The following STPG2 variants were observed in gnomAD, a reference collection of about 807,000 sequenced individuals.
STPG2 encodes the protein sperm tail PG-rich repeat containing 2.
STPG2 carries 56 observed loss-of-function variants against 54.2 expected under a neutral mutation model. That is an observed-to-expected ratio of 1.03 (90% CI 0.83 to 1.29). The LOEUF (loss-of-function observed/expected upper bound fraction) is 1.29. Among genes scored for constraint, STPG2 ranks in the 50% most tolerant of loss-of-function variants. The pLI, the probability that STPG2 is intolerant of heterozygous loss-of-function variation, is 0.00. For synonymous variants in STPG2, 200 were observed against 181.8 expected, an observed-to-expected ratio of 1.10 and a Z score of -0.81; for missense variants, 596 against 544.9, an observed-to-expected ratio of 1.09 and a Z score of -0.93.
At chr4:98,012,035 A>G (rs975088421) in intron 5 of STPG2, among the ~76,000 whole-genome samples, 1 of 152,222 alleles carries the variant, frequency 6.6e-6, no homozygotes, top group Non-Finnish European at 1.5e-5. Flanking sequence ...GTCCATGCCA[A>G]GGTCCTGAAT....
intron 3 of STPG2, among the ~76,000 whole-genome samples, chr4:98,112,517 T>A (rs1031334910): frequency 1.2e-4 from 18 of 152,178 alleles, no homozygotes; most frequent in African/African-American, 3.6e-4. Context: ...AAGCATTGGT[T>A]CTGTTTCTCT....
chr4:98,062,412 T>C (rs951979116), intron 5 of STPG2, among the ~76,000 whole-genome samples: 1 of 152,104 alleles, frequency 6.6e-6, no homozygotes, highest in African/African-American at 2.4e-5. Context: ...TGTTTACCGA[T>C]GTAACAAACT....
chr4:98,037,806 T>A (rs934809393), intron 5 of STPG2, among the ~76,000 whole-genome samples: 8 of 152,000 alleles, frequency 5.3e-5, no homozygotes, highest in African/African-American at 1.7e-4. Context: ...CAACAATAAT[T>A]CATAAGAAAA....
intron 5 of STPG2, among the ~76,000 whole-genome samples, chr4:98,027,866 A>ATAG (rs1736475433): frequency 6.6e-6 from 1 of 152,150 alleles, no homozygotes; most frequent in South Asian, 2.1e-4. Context: ...CAGAGTCTCA[A>ATAG]TAGTCTTCCT....
At chr4:97,908,726 G>A (rs1405344761) in intron 8 of STPG2, among the ~76,000 whole-genome samples, 1 of 151,546 alleles carries the variant, frequency 6.6e-6, no homozygotes, top group Non-Finnish European at 1.5e-5. Flanking sequence ...GGACATGGAT[G>A]AAATTGGAAA....
At chr4:97,738,160 C>A (rs1354463098) in intron 9 of STPG2, among the ~76,000 whole-genome samples, 1 of 152,094 alleles carries the variant, frequency 6.6e-6, no homozygotes, top group Non-Finnish European at 1.5e-5. Context: ...CAAGGAAATG[C>A]TGAGAGATTT....
intron 10 of STPG2, among the ~76,000 whole-genome samples, chr4:97,600,710 C>T (rs1733435575): frequency 6.6e-6 from 1 of 152,086 alleles, no homozygotes. Flanking sequence ...AGCTATAGCA[C>T]AGGCTATGCA....
intron 7 of STPG2, among the ~76,000 whole-genome samples, chr4:97,949,150 T>C (rs1425987964): frequency 1.3e-5 from 2 of 152,166 alleles, no homozygotes; most frequent in Non-Finnish European, 2.9e-5. Context: ...TTGATCCTTT[T>C]ATCATCATAT....
intron 4 of STPG2, among the ~76,000 whole-genome samples, chr4:97,515,851 C>T (rs1731065332): frequency 6.6e-6 from 1 of 151,704 alleles, no homozygotes; most frequent in Admixed American, 6.6e-5. Context: ...TATATATGTA[C>T]ACACACACAG....
At chr4:97,911,201 G>A (rs1251412219) in intron 8 of STPG2, among the ~76,000 whole-genome samples, 2 of 152,240 alleles carry the variant, frequency 1.3e-5, no homozygotes, top group Non-Finnish European at 2.9e-5. Context: ...GAAAAGCACA[G>A]AGCTGTGCAG....
chr4:97,563,396 G>C (rs1413755567), intron 10 of STPG2, among the ~76,000 whole-genome samples: 2 of 152,024 alleles, frequency 1.3e-5, no homozygotes, highest in Non-Finnish European at 2.9e-5. Flanking sequence ...CCAGCTCCTG[G>C]ATTCATTACT....
intron 4 of STPG2, among the ~76,000 whole-genome samples, chr4:97,482,569 A>C (rs1229625047): frequency 6.6e-6 from 1 of 151,618 alleles, no homozygotes; most frequent in East Asian, 1.9e-4. Context: ...ATGTTAAACA[A>C]CCAAACTAAG....
intron 8 of STPG2, among the ~76,000 whole-genome samples, chr4:97,875,829 A>G (rs1730153303): frequency 6.6e-6 from 1 of 152,042 alleles, no homozygotes; most frequent in Admixed American, 6.6e-5. Context: ...TCAGATCAAG[A>G]TTGATTTGTC....
intron 9 of STPG2, among the ~76,000 whole-genome samples, chr4:97,782,828 G>A (rs1239920269): frequency 6.6e-6 from 1 of 152,154 alleles, no homozygotes; most frequent in African/African-American, 2.4e-5. Flanking sequence ...AAGAAATGGG[G>A]AAAGGATTCC....
In STPG2 at chr4:97,862,179, T is replaced by A. The variant is rs545775153; in HGVS notation, c.1045-21247A>T. On this transcript the variant is annotated intron_variant, in intron 8 of 10. Coordinates refer to ENST00000295268, the MANE Select transcript of STPG2 (RefSeq NM_174952.3). ...CAGTGTGCTGTATTCAGGAAACCCA[T>A]CTCACCTTTATTTTGAGCCTATGTG... Among the ~76,000 whole-genome samples the A allele has an allele frequency of 3.3e-5, 5 of 151,736 alleles. No individual in the cohort carries two copies. In the East Asian group the frequency reaches 9.8e-4, roughly 30 times the overall value.
At chr4:97,991,703 T>C (rs1735023543) in intron 5 of STPG2, among the ~76,000 whole-genome samples, 1 of 152,120 alleles carries the variant, frequency 6.6e-6, no homozygotes, top group Non-Finnish European at 1.5e-5. Flanking sequence ...GTGGTTTTAA[T>C]AGTTTATATT....
At chr4:98,016,390 T>C (rs1042947571) in intron 5 of STPG2, among the ~76,000 whole-genome samples, 8 of 152,324 alleles carry the variant, frequency 5.3e-5, no homozygotes, top group Admixed American at 2.0e-4. Context: ...CCTCTGGAAC[T>C]TCATTATTCA....
chr4:97,693,138 A>T (rs1723431320), intron 10 of STPG2, among the ~76,000 whole-genome samples: 1 of 107,262 alleles, frequency 9.3e-6, no homozygotes, highest in African/African-American at 8.3e-5. Context: ...AACAATGATA[A>T]AAAAAAAAAA....
intron 5 of STPG2, among the ~76,000 whole-genome samples, chr4:98,012,787 T>C (rs1735799913): frequency 6.6e-6 from 1 of 152,230 alleles, no homozygotes; most frequent in South Asian, 2.1e-4. Flanking sequence ...TTGTGATTTT[T>C]GCACACTGAT....
Sources: gnomAD v4.1 joint callset for allele counts (sites outside exome capture counted in the v4.1 genomes callset) on GRCh38, gnomAD v4.1.1 for gene constraint, MANE v1.5 for transcripts, NCBI Gene and HGNC (gene_info 2026-07-23, HGNC 2026-07-21) for gene names.